LMO7: variants seen among roughly 807,000 people sequenced by gnomAD.
LMO7 encodes LIM domain 7, also known as LIM domain only protein 7.
Under a neutral mutation model 206.5 loss-of-function variants are expected in LMO7, and 120 were observed. The observed-to-expected ratio is 0.58, with a 90% CI of 0.50 to 0.68. The LOEUF (loss-of-function observed/expected upper bound fraction) is 0.68. Among genes scored for constraint, LMO7 ranks in the 30% least tolerant of loss-of-function variants. The pLI is 0.00. For missense variants in LMO7, 1,959 were observed against 1,957.9 expected, an observed-to-expected ratio of 1.00 and a Z score of -0.01; for synonymous variants, 706 against 681.5, an observed-to-expected ratio of 1.04 and a Z score of -0.56.
chr13:75,798,273 G>A (rs1595089650), intron 6 of LMO7, among the ~76,000 whole-genome samples: 1 of 152,222 alleles, frequency 6.6e-6, no homozygotes, highest in Admixed American at 6.5e-5. Flanking sequence ...GGGAGGCCGA[G>A]GCAGGAGAGT....
rs185873690 is a variant in LMO7, at chr13:75,853,167, A to G, written c.4440A>G (p.Thr1480=). The G allele has an allele frequency of 2.5e-6, 4 of 1,614,142 alleles. No homozygotes were observed. Among genetic ancestry groups the G allele is most frequent in the South Asian group, 2.2e-5 (2 of 91,084 alleles). Residue 1480 remains threonine (T), a synonymous_variant, in exon 28 of 31, where the codon ACA becomes ACG. Coordinates refer to ENST00000377534, the MANE Select transcript of LMO7 (RefSeq NM_001306080.2). ...WRQPPWLNQP[T]GFYASSSVQD... is the part of the protein sequence containing the mutation. The stretch of plus-strand genomic sequence containing the variant: ...AGCCTCCTTGGCTCAATCAGCCCAC[A>G]GGATTCTATGCTTCTTCCTCTGTGC...
intron 4 of LMO7, among the ~76,000 whole-genome samples, chr13:75,763,596 G>A (rs2048463766): frequency 6.6e-6 from 1 of 152,158 alleles, no homozygotes; most frequent in South Asian, 2.1e-4. Flanking sequence ...ACAAGGTGTA[G>A]CAAATGATTT....
chr13:75,716,306 C>A (rs2043529528), intron 2 of LMO7, among the ~76,000 whole-genome samples: 1 of 152,150 alleles, frequency 6.6e-6, no homozygotes. Flanking sequence ...TGGGGATAAA[C>A]CATGCACTGA....
chr13:75,622,623 T>C (rs1038369783), intron 1 of LMO7, among the ~76,000 whole-genome samples: 4 of 152,190 alleles, frequency 2.6e-5, no homozygotes, highest in African/African-American at 9.7e-5. Context: ...AATGGATGCT[T>C]AGGGCAGGTG....
chr13:75,832,997 C>A, intron 15 of LMO7, 54 bp from the exon 16 acceptor site: 1 of 948,480 alleles, frequency 1.1e-6, no homozygotes, highest in Non-Finnish European at 1.7e-6. Flanking sequence ...ATAGACTTTC[C>A]TCCATGTGGG....
chr13:75,782,472 TG>T (rs1837972853), intron 4 of LMO7, among the ~76,000 whole-genome samples: 1 of 152,206 alleles, frequency 6.6e-6, no homozygotes, highest in South Asian at 2.1e-4. Flanking sequence ...AGAACTGCAT[TG>T]GTGATAAAAT....
chr13:75,744,561 G>C (rs2046678558), intron 3 of LMO7, among the ~76,000 whole-genome samples: 1 of 152,138 alleles, frequency 6.6e-6, no homozygotes, highest in Non-Finnish European at 1.5e-5. Flanking sequence ...TCTCCCCTTA[G>C]GTACCTTTTG....
intron 4 of LMO7, 24 bp downstream of exon 4, chr13:75,761,062 T>G (rs199565384): frequency 4.6e-6 from 1 of 217,342 alleles, no homozygotes; most frequent in Non-Finnish European, 5.8e-6. Context: ...GTTTGTTAGA[T>G]ATATATATAT....
At chr13:75,787,287 G>A (rs1260636900) in intron 4 of LMO7, among the ~76,000 whole-genome samples, 1 of 152,212 alleles carries the variant, frequency 6.6e-6, no homozygotes, top group Non-Finnish European at 1.5e-5. Context: ...TTTACAAAAA[G>A]TAGAAAAGAA....
intron 6 of LMO7, among the ~76,000 whole-genome samples, chr13:75,799,931 A>G (rs1237335951): frequency 6.6e-6 from 1 of 152,196 alleles, no homozygotes; most frequent in Non-Finnish European, 1.5e-5. Context: ...TAATTCACAA[A>G]CCTACAGTTA....
chr13:75,703,739 T>TGTGTGC (rs57290262), intron 1 of LMO7, among the ~76,000 whole-genome samples: 107 of 151,788 alleles, frequency 7.0e-4, no homozygotes, highest in African/African-American at 2.3e-3. Context: ...TGTGTGTGTG[T>TGTGTGC]GCACTGTGAG....
chr13:75,824,231 T>A (rs1001227751), intron 15 of LMO7, among the ~76,000 whole-genome samples: 5 of 152,284 alleles, frequency 3.3e-5, no homozygotes, highest in East Asian at 1.9e-4. Context: ...CATGCAGATC[T>A]AGTGTATATT....
intron 3 of LMO7, among the ~76,000 whole-genome samples, chr13:75,730,366 T>C (rs1258886333): frequency 6.6e-6 from 1 of 152,216 alleles, no homozygotes; most frequent in Non-Finnish European, 1.5e-5. Flanking sequence ...GGAGAGTGTA[T>C]GTGTCCAGGA....
chr13:75,848,284 T>C lies in LMO7; in HGVS notation c.4151-795T>C, dbSNP rs148062261. ...TTTATGCTTTTGCATCCTCATAGCC[T>C]AGTTCCCACTTACAAGTGAGAACAT... On this transcript the variant is annotated intron_variant, in intron 26 of 30. Transcript: ENST00000377534. 2.8e-4 allele frequency among the ~76,000 whole-genome samples: 43 copies of C among 152,288 alleles called. No homozygotes were observed. The East Asian group carries it at 7.5e-3, about 27-fold the overall frequency.
intron 1 of LMO7, among the ~76,000 whole-genome samples, chr13:75,649,860 A>C (rs1050607900): frequency 1.8e-4 from 27 of 152,240 alleles, no homozygotes; most frequent in African/African-American, 6.5e-4. Flanking sequence ...TGTTTTAGAA[A>C]CACTTGATCC....
chr13:75,696,157 C>T (rs1413207226), intron 1 of LMO7, among the ~76,000 whole-genome samples: 1 of 152,144 alleles, frequency 6.6e-6, no homozygotes, highest in Non-Finnish European at 1.5e-5. Flanking sequence ...GAGATTGAGA[C>T]CAGCCTGGCC....
chr13:75,853,503 T>G, intron 28 of LMO7, 115 bp downstream of exon 28: 1 of 964,590 alleles, frequency 1.0e-6, no homozygotes, highest in Non-Finnish European at 1.5e-6. Flanking sequence ...CCCTTTTGAA[T>G]GTGTCAAATT....
At chr13:75,727,671 A>T (rs2044612245) in intron 3 of LMO7, among the ~76,000 whole-genome samples, 1 of 152,066 alleles carries the variant, frequency 6.6e-6, no homozygotes, top group South Asian at 2.1e-4. Flanking sequence ...CATGTGCACA[A>T]CGTGCAGGTT....
At chr13:75,773,896 G>GT (rs1386337918) in intron 4 of LMO7, among the ~76,000 whole-genome samples, 1 of 152,006 alleles carries the variant, frequency 6.6e-6, no homozygotes, top group Non-Finnish European at 1.5e-5. Context: ...TCCTCATTCC[G>GT]TTTTTAAAAA....
Sources: gnomAD v4.1 joint callset for allele counts (sites outside exome capture counted in the v4.1 genomes callset) on GRCh38, gnomAD v4.1.1 for gene constraint, MANE v1.5 for transcripts, NCBI Gene and HGNC (gene_info 2026-07-23, HGNC 2026-07-21) for gene names.